The following ARHGEF11 variants were observed in gnomAD, a reference collection of about 807,000 sequenced individuals.
ARHGEF11 encodes Rho guanine exchange factor (GEF) 11.
In ARHGEF11, 55 loss-of-function variants were observed where a neutral mutation model predicts 193.7. The observed-to-expected ratio is 0.28, with a 90% CI of 0.23 to 0.36. The LOEUF is 0.36. Ranked by LOEUF, ARHGEF11 falls within the 10% of genes least tolerant of loss-of-function variation. ARHGEF11 has a pLI of 1.00. For missense variants in ARHGEF11, 1,723 were observed against 2,005.6 expected (o/e 0.86, Z 2.69); for synonymous variants, 693 against 768.0 (o/e 0.90, Z 1.62).
intron 1 of ARHGEF11, among the ~76,000 whole-genome samples, chr1:157,029,382 G>C (rs1204655166): frequency 6.6e-6 from 1 of 151,934 alleles, no homozygotes; most frequent in African/African-American, 2.4e-5. Context: ...CAATTCTCCT[G>C]CCTCTCAGCC....
Position 157,029,153 on chromosome 1 carries a change from G to A in ARHGEF11, c.32+15146C>T, listed in dbSNP as rs1002790518. Reference sequence around the variant, plus strand: ...TTGCACTCCAGCCTAGGCAACTGAAGTGAGACCCTGTCTCAAAAAAAAAAA... The same window carrying A: ...TTGCACTCCAGCCTAGGCAACTGAAATGAGACCCTGTCTCAAAAAAAAAAA... On this transcript the variant is annotated intron_variant, in intron 1 of 40. Transcript: ENST00000368194. Among the ~76,000 whole-genome samples the A allele has an allele frequency of 2.1e-5, 3 of 142,636 alleles. No individual in the cohort carries two copies. The East Asian group carries it at 6.4e-4, about 30-fold the overall frequency. The allele number at this position is 142,636 out of a possible 152,430, so 93.6% of individuals were successfully genotyped here. A position where few individuals can be genotyped will look rare whatever the true frequency, so the allele number is the denominator to read the frequency against.
chr1:156,973,027 T>G (rs1245731613), intron 7 of ARHGEF11, among the ~76,000 whole-genome samples: 1 of 152,184 alleles, frequency 6.6e-6, no homozygotes, highest in Non-Finnish European at 1.5e-5. Context: ...TTGTTTCCCC[T>G]TCTTTTCACA....
Position 156,967,783 on chromosome 1 carries a change from G to GGAGCGTGGGTAAAAGTAA in ARHGEF11, c.963+203_963+204insTTACTTTTACCCACGCTC. The GGAGCGTGGGTAAAAGTAA allele has an allele frequency of 9.1e-6, 6 of 660,916 alleles. No individual in the cohort carries two copies. The South Asian group carries it at 1.1e-4, about 12-fold the overall frequency. 40.9% of individuals were successfully genotyped at this position (660,916 alleles called of 1,614,324 possible). Reference sequence around the variant, plus strand: ...TTCACCCACTCTCCACATAGAAATGGAGCCAGCCTTACTTTCATATCTCTA... The same window carrying GGAGCGTGGGTAAAAGTAA: ...TTCACCCACTCTCCACATAGAAATGGGAGCGTGGGTAAAAGTAAAGCCAGCCTTACTTTCATATCTCTA... On this transcript the variant is annotated intron_variant, in intron 11 of 40. Transcript: ENST00000368194.
intron 1 of ARHGEF11, among the ~76,000 whole-genome samples, chr1:157,035,810 ATATATATAGGAATATATATAT>A (rs1671870278): frequency 2.3e-4 from 6 of 25,666 alleles, no homozygotes; most frequent in African/African-American, 3.0e-4. Context: ...ATACAGGAAT[ATATATATAGGAATATATATAT>A]GGAATATATA....
At chr1:156,953,324 A>G (rs1263649492) in intron 21 of ARHGEF11, among the ~76,000 whole-genome samples, 4 of 152,196 alleles carry the variant, frequency 2.6e-5, no homozygotes, top group Non-Finnish European at 4.4e-5. Flanking sequence ...CTGTGGCCCC[A>G]GCTACTTGGA....
intron 1 of ARHGEF11, among the ~76,000 whole-genome samples, chr1:157,034,061 T>C (rs1329845718): frequency 1.3e-5 from 2 of 152,314 alleles, no homozygotes; most frequent in Non-Finnish European, 2.9e-5. Context: ...ATTTGAGGGA[T>C]GGCATGAATG....
intron 1 of ARHGEF11, among the ~76,000 whole-genome samples, chr1:157,019,368 T>G (rs769387862): frequency 1.3e-5 from 2 of 152,116 alleles, no homozygotes; most frequent in Non-Finnish European, 2.9e-5. Context: ...ATGGTTAAAA[T>G]TAAAAAGACT....
chr1:157,046,881 C>G (rs1264098761), upstream of ARHGEF11, among the ~76,000 whole-genome samples: 2 of 151,438 alleles, frequency 1.3e-5, no homozygotes, highest in Non-Finnish European at 2.9e-5. Flanking sequence ...CGTGGTGGCG[C>G]GTGCCTGTAA....
At chr1:156,987,233 T>C (rs1665059960) in intron 1 of ARHGEF11, among the ~76,000 whole-genome samples, 1 of 152,238 alleles carries the variant, frequency 6.6e-6, no homozygotes, top group Admixed American at 6.5e-5. Context: ...GGAAGCACTG[T>C]GTGTGATGGC....
rs200237434 is a variant in ARHGEF11, at chr1:156,937,305, C to T, written c.4384G>A (p.Val1462Met). Residue 1462 changes from valine to methionine, a missense_variant, in exon 39 of 41, where the codon GTG becomes ATG. By Grantham distance (21) the Val-to-Met change is conservative (BLOSUM62 1). Transcript: ENST00000368194. ...RSPPSLALRD[V>M]GMIFHTIEQL... is the part of the protein sequence containing the mutation. ...TCAATGGTATGGAAGATCATGCCCA[C>T]GTCCCTGAGGGCCAGGCTTGGAGGA... 7.4e-6 allele frequency: 12 copies of T among 1,613,946 alleles called. No individual in the cohort carries two copies. Among genetic ancestry groups the T allele is most frequent in the East Asian group, 2.2e-5 (1 of 44,848 alleles).
At chr1:157,029,440 T>G (rs1037597331) in intron 1 of ARHGEF11, among the ~76,000 whole-genome samples, 11 of 152,040 alleles carry the variant, frequency 7.2e-5, no homozygotes, top group Non-Finnish European at 1.3e-4. Context: ...CCCAGCTAAT[T>G]TTTGTATTTT....
At chr1:156,953,262 G>C (rs552551606) in intron 21 of ARHGEF11, among the ~76,000 whole-genome samples, 1 of 152,192 alleles carries the variant, frequency 6.6e-6, no homozygotes, top group Non-Finnish European at 1.5e-5. Flanking sequence ...TGGGCATATA[G>C]TGAGACCCTC....
In ARHGEF11 at chr1:156,987,536, T is replaced by A. The variant is rs534745152; in HGVS notation, c.33-1363A>T. 1.2e-4 allele frequency among the ~76,000 whole-genome samples: 18 copies of A among 152,294 alleles called. No homozygotes were observed. The South Asian group carries it at 3.3e-3, about 28-fold the overall frequency. On this transcript the variant is annotated intron_variant, in intron 1 of 40. Transcript: ENST00000368194. ...TCTGGAAGAATACAAAAGAAACATA[T>A]AACACAGTTGTCTCTGAGGAGGGAA...
chr1:156,969,509 C>G (rs1226280139), intron 9 of ARHGEF11, 151 bp from the exon 10 acceptor site: 4 of 702,196 alleles, frequency 5.7e-6, no homozygotes, highest in African/African-American at 1.8e-5. Flanking sequence ...CCCATGACCT[C>G]TAGACTCGGA....
chr1:157,038,507 T>C (rs1236668403), intron 1 of ARHGEF11, among the ~76,000 whole-genome samples: 1 of 152,218 alleles, frequency 6.6e-6, no homozygotes, highest in African/African-American at 2.4e-5. Context: ...GGAAGTTTCG[T>C]ATCCAAAGGG....
At chr1:157,027,245 G>A (rs1035481741) in intron 1 of ARHGEF11, among the ~76,000 whole-genome samples, 6 of 152,116 alleles carry the variant, frequency 3.9e-5, no homozygotes, top group Admixed American at 2.0e-4. Context: ...AGCCGAGTGC[G>A]GTGGCACATG....
At chr1:157,040,906 TAAAAATGTTTG>T (rs1349441766) in intron 1 of ARHGEF11, among the ~76,000 whole-genome samples, 1 of 152,188 alleles carries the variant, frequency 6.6e-6, no homozygotes, top group Non-Finnish European at 1.5e-5. Flanking sequence ...ACACACCATA[TAAAAATGTTTG>T]AGAACTGGAT....
Position 156,944,108 on chromosome 1 carries a change from G to A in ARHGEF11, c.3068-6C>T. 4 of 1,612,882 alleles carry A rather than the reference G, an allele frequency of 2.5e-6. No individual in the cohort carries two copies. Among genetic ancestry groups the A allele is most frequent in the Non-Finnish European group, 3.4e-6 (4 of 1,179,312 alleles). ...CAGCAGCAGCACGTGGAGGTCTGGA[G>A]GGGTATGGTCATGGGAAGGTGTTCC... On this transcript the variant is annotated splice_region_variant and splice_polypyrimidine_tract_variant and intron_variant, in intron 31 of 40. Transcript: ENST00000368194.
At chr1:156,989,083 A>G (rs562957784) in intron 1 of ARHGEF11, among the ~76,000 whole-genome samples, 21 of 152,238 alleles carry the variant, frequency 1.4e-4, no homozygotes, top group Admixed American at 5.2e-4. Flanking sequence ...GGACATTCTC[A>G]TCAAAATTTG....
Sources: gnomAD v4.1 joint callset for allele counts (sites outside exome capture counted in the v4.1 genomes callset) on GRCh38, gnomAD v4.1.1 for gene constraint, MANE v1.5 for transcripts, NCBI Gene and HGNC (gene_info 2026-07-23, HGNC 2026-07-21) for gene names.